Variants in PRKG1 observed in about 807,000 individuals in gnomAD.
PRKG1 encodes the protein cGMP-dependent protein kinase 1.
PRKG1 carries 35 observed loss-of-function variants against 88.1 expected under a neutral mutation model. The observed-to-expected ratio is 0.40, with a 90% CI of 0.30 to 0.53. The LOEUF (loss-of-function observed/expected upper bound fraction) is 0.53, where lower values mean the gene tolerates loss of function less well. Among genes scored for constraint, PRKG1 ranks in the 20% least tolerant of loss-of-function variants. The probability of loss-of-function intolerance (pLI) is 0.59; values close to 1 mark genes in which losing one functional copy is unlikely to be tolerated. For synonymous variants in PRKG1, 303 were observed against 292.5 expected, an observed-to-expected ratio of 1.04 and a Z score of -0.37; for missense variants, 540 against 839.8, an observed-to-expected ratio of 0.64 and a Z score of 4.41.
At chr10:51,217,357 C>T (rs181776019) in intron 2 of PRKG1, among the ~76,000 whole-genome samples, 128 of 152,046 alleles carry the variant, frequency 8.4e-4, no homozygotes, top group African/African-American at 2.8e-3. Flanking sequence ...GGTTTAAGAA[C>T]GCATTACCTA....
rs1433048297 is a variant in PRKG1, at chr10:51,205,127, C to CTTTCTTTTTTTTT, written c.478+51800_478+51801insCTTTTTTTTTTTT. 1.4e-3 allele frequency among the ~76,000 whole-genome samples: 87 copies of CTTTCTTTTTTTTT among 64,018 alleles called. 22 individuals carry two copies. The highest frequency in any genetic ancestry group is 2.1e-3 in the African/African-American group (36 of 17,272). The allele number at this position is 64,018 out of a possible 152,430, so 42.0% of individuals were successfully genotyped here. On this transcript the variant is annotated intron_variant, in intron 2 of 17. Coordinates refer to ENST00000373980, the MANE Select transcript of PRKG1 (RefSeq NM_006258.4). ...TAAGGAAGAATTTTCATTTTCTTTT[C>CTTTCTTTTTTTTT]TTTTTTTTTTTTTTTTTTTTTTTTT...
intron 7 of PRKG1, among the ~76,000 whole-genome samples, chr10:52,080,123 T>C (rs1359239064): frequency 6.6e-6 from 1 of 152,206 alleles, no homozygotes; most frequent in African/African-American, 2.4e-5. Flanking sequence ...AAAACCTAAA[T>C]TCTCAAGAAA....
At chr10:51,315,426 T>G in intron 2 of PRKG1, among the ~76,000 whole-genome samples, 1 of 152,188 alleles carries the variant, frequency 6.6e-6, no homozygotes, top group East Asian at 1.9e-4. Context: ...GTGTAAAAGT[T>G]ATAAATAATA....
At chr10:51,120,592 A>G (rs1845238030) in intron 1 of PRKG1, among the ~76,000 whole-genome samples, 1 of 152,152 alleles carries the variant, frequency 6.6e-6, no homozygotes, top group South Asian at 2.1e-4. Flanking sequence ...GGAGTTTGCA[A>G]TGACCATCCA....
chr10:51,065,706 A>G (rs1429479322), intron 1 of PRKG1, among the ~76,000 whole-genome samples: 1 of 152,020 alleles, frequency 6.6e-6, no homozygotes, highest in Non-Finnish European at 1.5e-5. Flanking sequence ...ATTTACTCCT[A>G]CCTTTATTTA....
chr10:51,929,862 A>G (rs1842652883), intron 5 of PRKG1, among the ~76,000 whole-genome samples: 1 of 152,154 alleles, frequency 6.6e-6, no homozygotes, highest in Non-Finnish European at 1.5e-5. Context: ...CCTTTTACCT[A>G]TCTGTTGCAC....
At chr10:51,739,922 C>T (rs556256389) in intron 3 of PRKG1, among the ~76,000 whole-genome samples, 19 of 152,224 alleles carry the variant, frequency 1.2e-4, no homozygotes, top group East Asian at 7.7e-4. Context: ...GCCTGGGTGA[C>T]GGAGCAAAAC....
chr10:51,915,962 G>A (rs540679464), intron 5 of PRKG1, among the ~76,000 whole-genome samples: 5 of 152,240 alleles, frequency 3.3e-5, no homozygotes, highest in African/African-American at 1.2e-4. Flanking sequence ...AACAAGTATT[G>A]GCAAGGATAT....
Position 52,161,125 on chromosome 10 carries a change from G to A in PRKG1, c.1002-764G>A, listed in dbSNP as rs570910716. Reference sequence around the variant, plus strand: ...GTTGTATTCAGTAATTTTCAAGGGCGATTCTGGTATACATGTGTGTATTCA... The same window carrying A: ...GTTGTATTCAGTAATTTTCAAGGGCAATTCTGGTATACATGTGTGTATTCA... On this transcript the variant is annotated intron_variant, in intron 8 of 17. Transcript: ENST00000373980. Among the ~76,000 whole-genome samples, 8 of 151,952 alleles carry A rather than the reference G, an allele frequency of 5.3e-5. No individual in the cohort carries two copies. The East Asian group carries it at 5.8e-4, about 11-fold the overall frequency.
chr10:51,635,498 C>T (rs1197434857), intron 3 of PRKG1, among the ~76,000 whole-genome samples: 1 of 151,944 alleles, frequency 6.6e-6, no homozygotes, highest in Non-Finnish European at 1.5e-5. Context: ...TCCCAAAATG[C>T]CCGTGGCCAA....
intron 5 of PRKG1, among the ~76,000 whole-genome samples, chr10:52,004,328 G>A (rs1053654282): frequency 1.9e-4 from 29 of 152,152 alleles, no homozygotes; most frequent in Non-Finnish European, 3.1e-4. Flanking sequence ...TACTTGCATT[G>A]TTGAAAACAA....
intron 4 of PRKG1, among the ~76,000 whole-genome samples, chr10:51,896,838 A>C (rs1192200830): frequency 6.6e-5 from 10 of 152,110 alleles, no homozygotes; most frequent in Admixed American, 6.6e-4. Context: ...CATATGTAAT[A>C]AAAATACAGT....
At chr10:51,810,101 C>T (rs1237384847) in intron 4 of PRKG1, among the ~76,000 whole-genome samples, 1 of 152,154 alleles carries the variant, frequency 6.6e-6, no homozygotes, top group South Asian at 2.1e-4. Flanking sequence ...TCTCTCAAAA[C>T]TCTTATAAAT....
intron 5 of PRKG1, among the ~76,000 whole-genome samples, chr10:52,047,286 T>C (rs1053042060): frequency 2.0e-5 from 3 of 152,138 alleles, no homozygotes; most frequent in African/African-American, 4.8e-5. Context: ...AAACAGTTCA[T>C]AGCAGAACAA....
intron 3 of PRKG1, among the ~76,000 whole-genome samples, chr10:51,611,836 G>A (rs10998486): frequency 1.3e-5 from 2 of 151,862 alleles, no homozygotes. Context: ...TAGAAATGCA[G>A]TTTCATTCTT....
intron 3 of PRKG1, among the ~76,000 whole-genome samples, chr10:51,604,644 G>A (rs551719338): frequency 1.9e-3 from 283 of 152,316 alleles, no homozygotes; most frequent in Non-Finnish European, 2.4e-3. Flanking sequence ...TTGCTGATAC[G>A]GGAGAGTTTC....
chr10:51,042,941 G>T (rs1843443750), intron 1 of PRKG1, among the ~76,000 whole-genome samples: 2 of 152,190 alleles, frequency 1.3e-5, no homozygotes, highest in Non-Finnish European at 2.9e-5. Flanking sequence ...GAACCAGGAA[G>T]TAGGTCCTCA....
chr10:51,305,578 A>T (rs545516590), intron 2 of PRKG1, among the ~76,000 whole-genome samples: 1 of 152,170 alleles, frequency 6.6e-6, no homozygotes, highest in Non-Finnish European at 1.5e-5. Context: ...GAAGCCTTTC[A>T]ATTGGCCTTT....
intron 1 of PRKG1, among the ~76,000 whole-genome samples, chr10:51,080,362 C>A (rs770158776): frequency 6.6e-6 from 1 of 152,160 alleles, no homozygotes. Context: ...ATCTGGATTC[C>A]TAATGGGAAA....
Sources: gnomAD v4.1 joint callset for allele counts (sites outside exome capture counted in the v4.1 genomes callset) on GRCh38, gnomAD v4.1.1 for gene constraint, MANE v1.5 for transcripts, NCBI Gene and HGNC (gene_info 2026-07-23, HGNC 2026-07-21) for gene names.